COG4: variants seen among roughly 807,000 people sequenced by gnomAD.
COG4 encodes the protein conserved oligomeric Golgi complex subunit 4.
COG4 carries 65 observed loss-of-function variants against 95.1 expected under a neutral mutation model. The ratio of observed to expected loss-of-function variants is 0.68; its 90% CI spans 0.56 to 0.84. COG4 has a LOEUF of 0.84. Ranked by LOEUF, COG4 falls within the 40% of genes least tolerant of loss-of-function variation. The probability of loss-of-function intolerance (pLI) is 0.00; values close to 1 mark genes in which losing one functional copy is unlikely to be tolerated. For synonymous variants in COG4, 421 were observed against 374.8 expected (o/e 1.12, Z -1.42); for missense variants, 1,045 against 989.1 (o/e 1.06, Z -0.76).
Position 70,517,633 on chromosome 16 carries a change from A to G in COG4, c.362T>C (p.Leu121Pro), listed in dbSNP as rs763195447. Residue 121 changes from leucine (L) to proline (P), a missense_variant, in exon 3 of 19, where the codon CTG becomes CCG. By Grantham distance (98) the Leu-to-Pro change is moderately conservative. Transcript: ENST00000323786. ...NVSSKVRQLDLAKNRLYQAIQ... is the reference protein window; with the variant it reads ...NVSSKVRQLDPAKNRLYQAIQ... ...AAAAGCTTGATGTATTACCTTGGCC[A>G]GGTCAAGCTGACGAACTTTGCTGGA... is the stretch of plus-strand genomic sequence containing the variant. 4.5e-6 allele frequency: 6 copies of G among 1,332,618 alleles called. No individual in the cohort carries two copies. Among genetic ancestry groups the G allele is most frequent in the Non-Finnish European group, 5.3e-6 (5 of 937,958 alleles). 82.5% of individuals were successfully genotyped at this position (1,332,618 alleles called of 1,614,324 possible).
intron 11 of COG4, among the ~76,000 whole-genome samples, chr16:70,496,649 T>C (rs2049345861): frequency 6.6e-6 from 1 of 152,180 alleles, no homozygotes; most frequent in Non-Finnish European, 1.5e-5. Context: ...CAGGGGAGAC[T>C]GGCCAATCTC....
intron 9 of COG4, among the ~76,000 whole-genome samples, chr16:70,500,422 G>C (rs2151751428): frequency 7.0e-6 from 1 of 142,724 alleles, no homozygotes; most frequent in Admixed American, 7.3e-5. Context: ...AGGCTGGAGT[G>C]CAGTGGCGTG....
intron 13 of COG4, among the ~76,000 whole-genome samples, chr16:70,489,662 C>T (rs2049205154): frequency 6.6e-6 from 1 of 151,440 alleles, no homozygotes; most frequent in Admixed American, 6.6e-5. Flanking sequence ...CAGGTATGAG[C>T]CACTTGGCCT....
chr16:70,481,786 A>G lies in COG4; in HGVS notation c.2084T>C (p.Val695Ala), dbSNP rs2048999850. Reference sequence around the variant, plus strand: ...TACCCGGTTAAAGGTGGATTTCAGCACCACTTTCTCCAACTCGACGGCAAC... The same window carrying G: ...TACCCGGTTAAAGGTGGATTTCAGCGCCACTTTCTCCAACTCGACGGCAAC... ...SLVAVELEKV[V>A]LKSTFNRLGG... Residue 695 changes from valine to alanine, a missense_variant, in exon 17 of 19, where the codon GTG (valine) becomes GCG (alanine). By Grantham distance (64) the Val-to-Ala change is moderately conservative. Transcript: ENST00000323786. The G allele has an allele frequency of 1.2e-5, 19 of 1,613,922 alleles. No homozygotes were observed. The highest frequency in any genetic ancestry group is 1.6e-4 in the Middle Eastern group (1 of 6,062).
chr16:70,486,954 C>A (rs2049149688), intron 13 of COG4, among the ~76,000 whole-genome samples: 2 of 150,178 alleles, frequency 1.3e-5, no homozygotes. Context: ...GAGACTGCGC[C>A]ACTGCACTCC....
chr16:70,498,041 G>T lies in COG4; in HGVS notation c.1210C>A (p.Leu404Met), dbSNP rs398124291. 44 of 1,610,942 alleles carry T rather than the reference G, an allele frequency of 2.7e-5. No homozygotes were observed. In the East Asian group the frequency reaches 9.6e-4, roughly 35 times the overall value. Residue 404 changes from leucine to methionine, a missense_variant, in exon 10 of 19, where the codon CTG becomes ATG. Transcript: ENST00000323786. ...EEVKQEHQKC[L>M]DKLLNNCLLS... ...AGGCAGTTATTGAGGAGTTTGTCCA[G>T]ACACTTCTGGTGCTCTAGGGGACAG...
chr16:70,500,359 T>G (rs1469853461), intron 9 of COG4, among the ~76,000 whole-genome samples: 1 of 143,094 alleles, frequency 7.0e-6, no homozygotes, highest in Non-Finnish European at 1.5e-5. Context: ...CTGTACATTA[T>G]ATACTCTTTT....
rs888093248 is a variant in COG4, at chr16:70,484,061, A to G, written c.1711-92T>C. 28 of 949,050 alleles carry G rather than the reference A, an allele frequency of 3.0e-5. No homozygotes were observed. In the African/African-American group the frequency reaches 3.4e-4, roughly 11 times the overall value. The allele number at this position is 949,050 out of a possible 1,614,324, so 58.8% of individuals were successfully genotyped here. A position where few individuals can be genotyped will look rare whatever the true frequency, so the allele number is the denominator to read the frequency against. On this transcript the variant is annotated intron_variant, in intron 13 of 18. Coordinates refer to ENST00000323786, the MANE Select transcript of COG4 (RefSeq NM_015386.3). The stretch of plus-strand genomic sequence containing the variant: ...GCCAGTTCTACTCCTCCAGCCAGCT[A>G]TGGCCTGTCAAGAGCCCGGATGGGT...
chr16:70,509,762 T>G, intron 6 of COG4, 154 bp downstream of exon 6: 1 of 696,614 alleles, frequency 1.4e-6, no homozygotes, highest in South Asian at 1.6e-5. Flanking sequence ...AATCAGGCAC[T>G]GAATCTGGAA....
intron 3 of COG4, among the ~76,000 whole-genome samples, chr16:70,514,728 T>C (rs2049787902): frequency 6.6e-6 from 1 of 152,188 alleles, no homozygotes; most frequent in Non-Finnish European, 1.5e-5. Flanking sequence ...TCTCTCTTTT[T>C]TTTTAGACAG....
At position 70,512,280 on chromosome 16, in the gene COG4, C is replaced by A. The variant is rs387907202; in HGVS notation, c.697G>T (p.Glu233Ter). Residue 233 changes from glutamate to a stop codon, truncating the protein, a stop_gained, in exon 5 of 19, where the codon GAG becomes TAG. Coordinates refer to ENST00000323786, the MANE Select transcript of COG4 (RefSeq NM_015386.3). LOFTEE classifies it high-confidence loss of function. ...TCCGAGAACTTTCTTAATCCCTCCTCATGCAAACCCAGCAGTGGGAAGATC... is the reference window on the plus strand; with the variant it reads ...TCCGAGAACTTTCTTAATCCCTCCTAATGCAAACCCAGCAGTGGGAAGATC... ...FKIFPLLGLH[E>*]EGLRKFSEYL... 2 of 1,614,200 alleles carry A rather than the reference C, an allele frequency of 1.2e-6. No homozygotes were observed. Among genetic ancestry groups the A allele is most frequent in the African/African-American group, 2.7e-5 (2 of 75,064 alleles).
chr16:70,500,830 T>G, intron 9 of COG4, 128 bp downstream of exon 9: 1 of 1,119,190 alleles, frequency 8.9e-7, no homozygotes, highest in Non-Finnish European at 1.3e-6. Context: ...GGGAGTCAAT[T>G]TGCCTACAGA....
chr16:70,481,388 G>T lies in COG4; in HGVS notation c.2206C>A (p.Gln736Lys), dbSNP rs1291215483. 3.7e-6 allele frequency: 6 copies of T among 1,613,346 alleles called. No homozygotes were observed. Among genetic ancestry groups the T allele is most frequent in the Non-Finnish European group, 4.2e-6 (5 of 1,179,992 alleles). ...TIRDKFARLS[Q>K]MATILNLERV... Reference sequence around the variant, plus strand: ...TCCAGATTGAGGATGGTGGCCATCTGGGAGAGCCGGGCAAACTTGTCTCGG... The same window carrying T: ...TCCAGATTGAGGATGGTGGCCATCTTGGAGAGCCGGGCAAACTTGTCTCGG... The change falls in exon 18 of 19, where the codon CAG becomes AAG. Residue 736 changes from glutamine (Q) to lysine (K), a missense_variant. Physicochemically the swap from Gln to Lys is moderately conservative, Grantham distance 53 (BLOSUM62 1). Coordinates refer to ENST00000323786, the MANE Select transcript of COG4 (RefSeq NM_015386.3).
rs935623307 is a variant in COG4 at position 70,497,993 on chromosome 16, G to A, written c.1258C>T (p.Leu420=). The A allele has an allele frequency of 6.2e-7, 1 of 1,613,670 alleles. No individual in the cohort carries two copies. ...TCCATGGTAACATATAAGCCAATTA[G>A]CTCCTGCATGGTACAGCTCAAAAGG... ...NCLLSCTMQE[L]IGLYVTMEEY... is the part of the protein sequence containing the mutation. Residue 420 remains leucine (L), a synonymous_variant, in exon 10 of 19, where the codon CTA becomes TTA. Transcript: ENST00000323786.
intron 3 of COG4, chr16:70,516,114 C>CT (rs2049817391): frequency 8.8e-6 from 4 of 452,328 alleles, no homozygotes; most frequent in East Asian, 7.0e-5. Flanking sequence ...GTTTTTTGTC[C>CT]TTTTTTCTAT....
At chr16:70,512,995 A>G (rs1266271054) in intron 4 of COG4, among the ~76,000 whole-genome samples, 1 of 152,252 alleles carries the variant, frequency 6.6e-6, no homozygotes, top group African/African-American at 2.4e-5. Context: ...AAAGGTGTCA[A>G]AAAGTCACAT....
intron 15 of COG4, 84 bp from the exon 16 acceptor site, chr16:70,482,259 A>G (rs1194039304): frequency 3.3e-6 from 3 of 896,132 alleles, no homozygotes; most frequent in East Asian, 4.8e-5. Context: ...CTCTAAGAAA[A>G]TAATGTAAAA....
Position 70,501,018 on chromosome 16 carries a change from T to C in COG4, c.1135A>G (p.Lys379Glu), listed in dbSNP as rs1334182002. 2.5e-6 allele frequency: 4 copies of C among 1,613,976 alleles called. No homozygotes were observed. Among genetic ancestry groups the C allele is most frequent in the Non-Finnish European group, 3.4e-6 (4 of 1,179,892 alleles). Reference protein sequence around the residue: ...RSELYLRFLKKRISSDFEVGD... With the variant: ...RSELYLRFLKERISSDFEVGD... ...ACCTCAAAATCAGAGCTAATCCTCTTCTTGAGGAAGCGTAAGTATAGCTCA... is the reference window on the plus strand; with the variant it reads ...ACCTCAAAATCAGAGCTAATCCTCTCCTTGAGGAAGCGTAAGTATAGCTCA... Residue 379 changes from lysine (K) to glutamate (E), a missense_variant, in exon 9 of 19, where the codon AAG becomes GAG. By Grantham distance (56) the Lys-to-Glu change is moderately conservative. Coordinates refer to ENST00000323786, the MANE Select transcript of COG4 (RefSeq NM_015386.3).
chr16:70,490,064 C>T (rs554072819), intron 13 of COG4, among the ~76,000 whole-genome samples: 24 of 152,036 alleles, frequency 1.6e-4, no homozygotes, highest in Non-Finnish European at 2.4e-4. Context: ...GTGATCCACC[C>T]GCCTTGGCCT....
Sources: gnomAD v4.1 joint callset for allele counts (sites outside exome capture counted in the v4.1 genomes callset) on GRCh38, gnomAD v4.1.1 for gene constraint, MANE v1.5 for transcripts, NCBI Gene and HGNC (gene_info 2026-07-23, HGNC 2026-07-21) for gene names.